Variants in COL4A3 observed in about 807,000 individuals in gnomAD.
COL4A3 encodes the protein collagen type IV alpha 3 chain, also known as collagen alpha-3(IV) chain.
COL4A3 carries 135 observed loss-of-function variants against 217.4 expected under a neutral mutation model. That is an observed-to-expected ratio of 0.62 (90% CI 0.54 to 0.72). The LOEUF (loss-of-function observed/expected upper bound fraction) is 0.72. Ranked by LOEUF, COL4A3 falls within the 30% of genes least tolerant of loss-of-function variation. The pLI, the probability that COL4A3 is intolerant of heterozygous loss-of-function variation, is 0.00. For synonymous variants in COL4A3, 690 were observed against 736.3 expected (o/e 0.94, Z 1.02); for missense variants, 1,868 against 2,119.9 (o/e 0.88, Z 2.33).
chr2:227,183,807 G>A (rs1397231793), intron 1 of COL4A3, among the ~76,000 whole-genome samples: 1 of 152,144 alleles, frequency 6.6e-6, no homozygotes, highest in South Asian at 2.1e-4. Flanking sequence ...TTGGGCACAG[G>A]ACCTAAGCCA....
At chr2:227,281,975 A>G (rs2071993602) in intron 31 of COL4A3, among the ~76,000 whole-genome samples, 1 of 152,170 alleles carries the variant, frequency 6.6e-6, no homozygotes, top group South Asian at 2.1e-4. Flanking sequence ...TACAGCCATA[A>G]AATATTTCTA....
chr2:227,284,288 C>A lies in COL4A3; in HGVS notation c.2824C>A (p.Pro942Thr). ...GGGGGAACAAGGAGATAAAGGAAAT[C>A]CCGGGCCTTCAGAGATATCCCACGT... ...AKGEQGDKGNPGPSEISHVIG... is the reference protein window; with the variant it reads ...AKGEQGDKGNTGPSEISHVIG... The change falls in exon 34 of 52, where the codon CCC becomes ACC. Residue 942 changes from proline to threonine, a missense_variant. Coordinates refer to ENST00000396578, the MANE Select transcript of COL4A3 (RefSeq NM_000091.5). The A allele has an allele frequency of 6.2e-7, 1 of 1,614,098 alleles. No homozygotes were observed. The highest frequency in any genetic ancestry group is 1.1e-5 in the South Asian group (1 of 91,062).
chr2:227,184,694 TAGTG>T (rs201992466), intron 1 of COL4A3, among the ~76,000 whole-genome samples: 1,958 of 152,228 alleles, frequency 0.013, 32 homozygotes, highest in South Asian at 0.043. Flanking sequence ...AAATATAAAA[TAGTG>T]AGGTATCAAG....
chr2:227,186,269 A>C (rs1577051444), intron 1 of COL4A3, among the ~76,000 whole-genome samples: 1 of 152,224 alleles, frequency 6.6e-6, no homozygotes, highest in East Asian at 1.9e-4. Context: ...GAAGTCAAAG[A>C]AACCAAGAAA....
chr2:227,253,021 T>C lies in COL4A3; in HGVS notation c.646-275T>C, dbSNP rs184194509. On this transcript the variant is annotated intron_variant, in intron 11 of 51. Coordinates refer to ENST00000396578, the MANE Select transcript of COL4A3 (RefSeq NM_000091.5). This position sits in a 1 kb window ranked among gnomAD's most constrained non-coding sequence, Gnocchi z 4.4. ...ACTAGCTAATGCAGAGCCAGAAAAATATGCTCTGAGCTGGGCTCCTTTCCC... is the reference window on the plus strand; with the variant it reads ...ACTAGCTAATGCAGAGCCAGAAAAACATGCTCTGAGCTGGGCTCCTTTCCC... 6.0e-4 allele frequency among the ~76,000 whole-genome samples: 91 copies of C among 152,164 alleles called. No homozygotes were observed. The highest frequency in any genetic ancestry group is 2.1e-3 in the African/African-American group (88 of 41,504).
intron 1 of COL4A3, among the ~76,000 whole-genome samples, chr2:227,200,094 G>A (rs1171280497): frequency 6.6e-6 from 1 of 152,116 alleles, no homozygotes; most frequent in Non-Finnish European, 1.5e-5. Context: ...GCTTTTCCCA[G>A]GTGCACAGCT....
intron 1 of COL4A3, among the ~76,000 whole-genome samples, chr2:227,180,223 A>G (rs894000320): frequency 6.6e-6 from 1 of 152,186 alleles, no homozygotes; most frequent in Non-Finnish European, 1.5e-5. Flanking sequence ...TCCAAAAAGC[A>G]ATAAAAACTG....
At chr2:227,278,303 C>T (rs758168123) in intron 28 of COL4A3, among the ~76,000 whole-genome samples, 2 of 152,076 alleles carry the variant, frequency 1.3e-5, no homozygotes, top group African/African-American at 2.4e-5. Flanking sequence ...TAAGCCTGCC[C>T]ACTGACAAGT....
intron 1 of COL4A3, among the ~76,000 whole-genome samples, chr2:227,169,717 T>A (rs942918828): frequency 5.3e-5 from 8 of 152,206 alleles, no homozygotes; most frequent in African/African-American, 1.9e-4. Context: ...TCATGTCCTT[T>A]GCCCACTTTT....
At chr2:227,199,793 C>A (rs1302175725) in intron 1 of COL4A3, among the ~76,000 whole-genome samples, 1 of 152,084 alleles carries the variant, frequency 6.6e-6, no homozygotes, top group East Asian at 1.9e-4. Context: ...AGGGTTTGTG[C>A]TTTTAACATG....
chr2:227,293,101 A>C (rs74793013), intron 37 of COL4A3, 90 bp from the exon 38 acceptor site: 1 of 1,543,992 alleles, frequency 6.5e-7, no homozygotes, highest in East Asian at 2.3e-5. Flanking sequence ...TGATGAATGA[A>C]TGAAAAAATT....
At chr2:227,183,495 G>A (rs1461971821) in intron 1 of COL4A3, among the ~76,000 whole-genome samples, 1 of 152,192 alleles carries the variant, frequency 6.6e-6, no homozygotes, top group Non-Finnish European at 1.5e-5. Context: ...GGGCTCATTG[G>A]AATTGCATTT....
intron 23 of COL4A3, 104 bp from the exon 24 acceptor site, chr2:227,269,806 T>A: frequency 1.1e-6 from 1 of 940,834 alleles, no homozygotes; most frequent in Non-Finnish European, 1.7e-6. Context: ...GTTGTCTTTC[T>A]TTCCCCACAA....
At chr2:227,287,291 C>T (rs748797758) in intron 34 of COL4A3, among the ~76,000 whole-genome samples, 15 of 152,180 alleles carry the variant, frequency 9.9e-5, no homozygotes, top group African/African-American at 3.6e-4. Context: ...AATTAGCGGG[C>T]GTGGTGGCAC....
At chr2:227,223,908 G>A (rs1170459435) in intron 1 of COL4A3, among the ~76,000 whole-genome samples, 1 of 152,144 alleles carries the variant, frequency 6.6e-6, no homozygotes, top group Non-Finnish European at 1.5e-5. Flanking sequence ...GCATAGCAGT[G>A]AGCAACTAAG....
At chr2:227,259,712 G>T in intron 18 of COL4A3, 81 bp from the exon 19 acceptor site, 2 of 1,044,558 alleles carry the variant, frequency 1.9e-6, no homozygotes, top group South Asian at 2.6e-5. Context: ...GGGCCAAAAT[G>T]AAGAAACTGA....
At chr2:227,269,705 TAAG>T (rs1322205099) in intron 23 of COL4A3, among the ~76,000 whole-genome samples, 1 of 152,198 alleles carries the variant, frequency 6.6e-6, no homozygotes, top group Non-Finnish European at 1.5e-5. Flanking sequence ...GATAAAATTT[TAAG>T]AAGCTAAGAT....
chr2:227,308,286 C>T (rs1211555247), intron 48 of COL4A3, among the ~76,000 whole-genome samples: 9 of 152,156 alleles, frequency 5.9e-5, no homozygotes, highest in Non-Finnish European at 1.3e-4. Context: ...AATCATGGCT[C>T]ACTGCAGCCT....
chr2:227,232,531 T>C (rs2125863984), intron 1 of COL4A3, among the ~76,000 whole-genome samples: 1 of 152,282 alleles, frequency 6.6e-6, no homozygotes, highest in Middle Eastern at 3.4e-3. Context: ...CTTTCCAGCA[T>C]TTGTTATTGA....
Sources: allele counts gnomAD v4.1 joint callset (sites outside exome capture counted in the v4.1 genomes callset), GRCh38; gene constraint gnomAD v4.1.1; non-coding constraint Gnocchi (gnomAD v3.1); transcripts MANE v1.5; gene names NCBI Gene and HGNC (gene_info 2026-07-23, HGNC 2026-07-21).